The following PREPL variants were observed in gnomAD, a reference collection of about 807,000 sequenced individuals.
The protein encoded by PREPL is prolyl endopeptidase-like.
PREPL carries 77 observed loss-of-function variants against 70.6 expected under a neutral mutation model. The ratio of observed to expected loss-of-function variants is 1.09; its 90% CI spans 0.91 to 1.32. The LOEUF (loss-of-function observed/expected upper bound fraction) is 1.32, where lower values mean the gene tolerates loss of function less well. Among genes scored for constraint, PREPL ranks in the 40% most tolerant of loss-of-function variants. The pLI, the probability that PREPL is intolerant of heterozygous loss-of-function variation, is 0.00. For missense variants in PREPL, 1,002 were observed against 778.2 expected (o/e 1.29, Z -3.42); for synonymous variants, 315 against 264.8 (o/e 1.19, Z -1.84).
intron 2 of PREPL, among the ~76,000 whole-genome samples, chr2:44,345,194 T>C (rs1021366970): frequency 1.3e-5 from 2 of 152,242 alleles, no homozygotes; most frequent in East Asian, 1.9e-4. Context: ...AATTGATTGG[T>C]TGATATGATT....
At chr2:44,353,587 C>CAA (rs1415507614) in intron 1 of PREPL, among the ~76,000 whole-genome samples, 2 of 127,692 alleles carry the variant, frequency 1.6e-5, no homozygotes, top group African/African-American at 5.5e-5. Context: ...GACTCCATCT[C>CAA]AAAAAATAAA....
At chr2:44,347,178 A>C (rs1448372424) in intron 1 of PREPL, 1 of 151,584 alleles carries the variant, frequency 6.6e-6, no homozygotes, top group African/African-American at 2.4e-5. Context: ...AAAAAAATAC[A>C]AAAAAATTTA....
Position 44,330,482 on chromosome 2 carries a change from C to T in PREPL, c.1087-1370G>A, listed in dbSNP as rs549406795. 3.9e-5 allele frequency among the ~76,000 whole-genome samples: 6 copies of T among 152,260 alleles called. No individual in the cohort carries two copies. The East Asian group carries it at 5.8e-4, about 15-fold the overall frequency. ...AATAAAACCTATCTAAAAGATAATA[C>T]ACTAAGTGGGTAACAATGATTATTT... On this transcript the variant is annotated intron_variant, in intron 8 of 13. Coordinates refer to ENST00000409411, the MANE Select transcript of PREPL (RefSeq NM_001171613.2).
chr2:44,342,598 A>AT, intron 4 of PREPL, 46 bp from the exon 5 acceptor site: 1 of 1,197,232 alleles, frequency 8.4e-7, no homozygotes, highest in Non-Finnish European at 1.1e-6. Flanking sequence ...CCTACACTCC[A>AT]TTAAAAAAAA....
At chr2:44,354,578 CT>C (rs59897288) in intron 1 of PREPL, among the ~76,000 whole-genome samples, 16,657 of 146,404 alleles carry the variant, frequency 0.11, 2,928 homozygotes, top group African/African-American at 0.38. Flanking sequence ...TTCCTCCTCT[CT>C]TTTTTTTTTT....
Position 44,339,203 on chromosome 2 carries a change from G to C in PREPL, c.646C>G (p.His216Asp). 1 of 1,614,036 alleles carries C rather than the reference G, an allele frequency of 6.2e-7. No individual in the cohort carries two copies. Among genetic ancestry groups the C allele is most frequent in the Non-Finnish European group, 8.5e-7 (1 of 1,179,946 alleles). The change falls in exon 6 of 14, where the codon CAC becomes GAC. Residue 216 changes from histidine (H) to aspartate (D), a missense_variant. Physicochemically the swap from His to Asp is moderately conservative, Grantham distance 81. Transcript: ENST00000409411. ...AGAATGTATAATTCATCATCTCTGTGTTCAACATAGTAAAGGACCCCATGT... is the reference window on the plus strand; with the variant it reads ...AGAATGTATAATTCATCATCTCTGTCTTCAACATAGTAAAGGACCCCATGT... The part of the protein sequence containing the change: ...RIHGVLYYVE[H>D]RDDELYILTN...
intron 9 of PREPL, among the ~76,000 whole-genome samples, chr2:44,327,429 C>T (rs1033487747): frequency 2.0e-5 from 3 of 152,090 alleles, no homozygotes; most frequent in African/African-American, 7.2e-5. Flanking sequence ...AACACAAATG[C>T]TTTTAAGGAG....
chr2:44,351,241 T>C (rs1676403312), intron 1 of PREPL, among the ~76,000 whole-genome samples: 1 of 152,112 alleles, frequency 6.6e-6, no homozygotes, highest in African/African-American at 2.4e-5. Context: ...GGCATCTCCC[T>C]GGCTTTTTAA....
At chr2:44,325,068 A>G (rs960919291) in intron 10 of PREPL, among the ~76,000 whole-genome samples, 1 of 152,144 alleles carries the variant, frequency 6.6e-6, no homozygotes, top group Non-Finnish European at 1.5e-5. Context: ...GCTGCCTACC[A>G]TATGAACTTT....
rs184806289 is a variant in PREPL, at chr2:44,317,897, A to G, written c.*3459T>C. On this transcript the variant is annotated 3_prime_UTR_variant, in exon 14 of 14. Coordinates refer to ENST00000409411, the MANE Select transcript of PREPL (RefSeq NM_001171613.2). ...TAAAAGATAAAACCACTCAGATAAC[A>G]AAAACAGACATAAGAAACACTAACA... 6.6e-4 allele frequency: 149 copies of G among 225,892 alleles called. No individual in the cohort carries two copies. Among genetic ancestry groups the G allele is most frequent in the Admixed American group, 1.9e-3 (35 of 18,016 alleles). 14.0% of individuals were successfully genotyped at this position (225,892 alleles called of 1,614,324 possible).
chr2:44,345,157 C>T (rs1052042854), intron 2 of PREPL, among the ~76,000 whole-genome samples: 1 of 152,096 alleles, frequency 6.6e-6, no homozygotes, highest in African/African-American at 2.4e-5. Flanking sequence ...AAATAGTGTT[C>T]TTGTCTAATG....
In PREPL at chr2:44,321,700, G is replaced by T. The variant is rs200068348; in HGVS notation, c.1827+127C>A. On this transcript the variant is annotated intron_variant, in intron 13 of 13. Transcript: ENST00000409411. ...CACAGTGTCCCTCCCTCCCCTCCTG[G>T]GTCTCACCCATAGATAGGACATTTG... is the stretch of plus-strand genomic sequence containing the variant. 8 of 1,578,006 alleles carry T rather than the reference G, an allele frequency of 5.1e-6. No homozygotes were observed. The South Asian group carries it at 8.1e-5, about 16-fold the overall frequency.
Position 44,339,738 on chromosome 2 carries a change from T to C in PREPL, c.486-375A>G, listed in dbSNP as rs572383426. The stretch of plus-strand genomic sequence containing the variant: ...ATTTCAAGGTAAACTACAAACGTCA[T>C]TTCTCAATCACATGAGTAGATAACA... On this transcript the variant is annotated intron_variant, in intron 5 of 13. Coordinates refer to ENST00000409411, the MANE Select transcript of PREPL (RefSeq NM_001171613.2). 7.9e-5 allele frequency among the ~76,000 whole-genome samples: 12 copies of C among 152,294 alleles called. No homozygotes were observed. In the South Asian group the frequency reaches 2.5e-3, roughly 32 times the overall value.
chr2:44,339,906 A>C (rs1675029296), intron 5 of PREPL, among the ~76,000 whole-genome samples: 1 of 152,210 alleles, frequency 6.6e-6, no homozygotes, highest in Non-Finnish European at 1.5e-5. Context: ...TTTACAACAA[A>C]ATAGAATAGG....
At position 44,318,045 on chromosome 2, in the gene PREPL, T is replaced by C. The variant is rs1672576222; in HGVS notation, c.*3311A>G. The C allele has an allele frequency of 2.4e-6, 1 of 424,680 alleles. No homozygotes were observed. Among genetic ancestry groups the C allele is most frequent in the Non-Finnish European group, 4.7e-6 (1 of 214,308 alleles). 26.3% of individuals were successfully genotyped at this position (424,680 alleles called of 1,614,324 possible). A position where few individuals can be genotyped will look rare whatever the true frequency, so the allele number is the denominator to read the frequency against. On this transcript the variant is annotated 3_prime_UTR_variant, in exon 14 of 14. Coordinates refer to ENST00000409411, the MANE Select transcript of PREPL (RefSeq NM_001171613.2). ...GACCTAATAATTCCATTCCTAATAC[T>C]TAGAAATATTTGCACATGTGCACAA...
At chr2:44,359,740 T>C in intron 1 of PREPL, 1 of 1,498,728 alleles carries the variant, frequency 6.7e-7, no homozygotes. Context: ...TGGTTTATGC[T>C]CCTTTTGGGG....
At chr2:44,346,902 T>C (rs910057192) in intron 1 of PREPL, among the ~76,000 whole-genome samples, 2 of 152,116 alleles carry the variant, frequency 1.3e-5, no homozygotes, top group Non-Finnish European at 2.9e-5. Flanking sequence ...TGATAAGAAA[T>C]ATTTCCCTAC....
rs1673828248 is a variant in PREPL at position 44,329,100 on chromosome 2, C to T, written c.1099G>A (p.Val367Met). The T allele has an allele frequency of 1.9e-6, 3 of 1,597,954 alleles. No homozygotes were observed. In the East Asian group the frequency reaches 6.7e-5, roughly 36 times the overall value. ...LEAKSKDGKL[V>M]PMTVFHKTDS... ...GTTTTGTGGAAAACAGTCATTGGCACTAATTTTCCATCCTAGAAATGAAGA... is the reference window on the plus strand; with the variant it reads ...GTTTTGTGGAAAACAGTCATTGGCATTAATTTTCCATCCTAGAAATGAAGA... The change falls in exon 9 of 14, where the codon GTG becomes ATG. Residue 367 changes from valine to methionine, a missense_variant. By Grantham distance (21) the Val-to-Met change is conservative. Transcript: ENST00000409411.
rs886892914 is a variant in PREPL, at chr2:44,318,992, T to G, written c.*2364A>C. 6.6e-6 allele frequency: 1 copy of G among 152,182 alleles called. No individual in the cohort carries two copies. Among genetic ancestry groups the G allele is most frequent in the South Asian group, 2.1e-4 (1 of 4,826 alleles). 9.4% of individuals were successfully genotyped at this position (152,182 alleles called of 1,614,324 possible). The stretch of plus-strand genomic sequence containing the variant: ...AAGTAGTAACTCAAGTAGACAATAA[T>G]AGCTAACACTTACCGGGCACTTCTT... On this transcript the variant is annotated 3_prime_UTR_variant, in exon 14 of 14. Transcript: ENST00000409411.
Sources: allele counts gnomAD v4.1 joint callset (sites outside exome capture counted in the v4.1 genomes callset), GRCh38; gene constraint gnomAD v4.1.1; transcripts MANE v1.5; gene names NCBI Gene and HGNC (gene_info 2026-07-23, HGNC 2026-07-21).